ANKS1B: variants seen among roughly 807,000 people sequenced by gnomAD.
The protein encoded by ANKS1B is ankyrin repeat and sterile alpha motif domain-containing protein 1B.
A neutral mutation model predicts 148.3 loss-of-function variants in ANKS1B; 36 were observed. The observed-to-expected ratio is 0.24, with a 90% CI of 0.19 to 0.32. The LOEUF (loss-of-function observed/expected upper bound fraction) is 0.32, where lower values mean the gene tolerates loss of function less well. Ranked by LOEUF, ANKS1B falls within the 10% of genes least tolerant of loss-of-function variation. The pLI, the probability that ANKS1B is intolerant of heterozygous loss-of-function variation, is 1.00. For missense variants in ANKS1B, 1,157 were observed against 1,542.6 expected, an observed-to-expected ratio of 0.75 and a Z score of 4.19; for synonymous variants, 542 against 560.8, an observed-to-expected ratio of 0.97 and a Z score of 0.47.
Position 99,984,712 on chromosome 12 carries a change from C to T in ANKS1B, c.-475G>A, listed in dbSNP as rs1259980126. 6.6e-6 allele frequency: 1 copy of T among 151,920 alleles called. No individual in the cohort carries two copies. Among genetic ancestry groups the T allele is most frequent in the Non-Finnish European group, 1.5e-5 (1 of 67,996 alleles). 9.4% of individuals were successfully genotyped at this position (151,920 alleles called of 1,614,324 possible). ...GCCCTCGCGCCCGACCCGGGCTCGC[C>T]TCGGCTTCCTCGGCGGTTACGCGGG... On this transcript the variant is annotated 5_prime_UTR_variant, in exon 1 of 27. Coordinates refer to ENST00000683438, the MANE Select transcript of ANKS1B (RefSeq NM_001352186.2).
chr12:99,614,809 T>A (rs1268983388), intron 9 of ANKS1B, among the ~76,000 whole-genome samples: 1 of 151,874 alleles, frequency 6.6e-6, no homozygotes, highest in East Asian at 1.9e-4. Flanking sequence ...CCATCTCAAA[T>A]CAGTAGTAAT....
intron 2 of ANKS1B, among the ~76,000 whole-genome samples, chr12:99,822,185 C>CTCCAA (rs1476859644): frequency 2.0e-5 from 3 of 151,976 alleles, no homozygotes; most frequent in Non-Finnish European, 4.4e-5. Context: ...GCTTTATGAC[C>CTCCAA]ACCAAACCTA....
intron 17 of ANKS1B, among the ~76,000 whole-genome samples, chr12:99,001,509 A>G (rs2099933020): frequency 6.6e-6 from 1 of 151,966 alleles, no homozygotes; most frequent in Non-Finnish European, 1.5e-5. Flanking sequence ...AATATTTTTA[A>G]TTTTTCCCAG....
At chr12:98,860,733 G>C (rs2099595056) in intron 17 of ANKS1B, among the ~76,000 whole-genome samples, 2 of 152,198 alleles carry the variant, frequency 1.3e-5, no homozygotes, top group Admixed American at 1.3e-4. Flanking sequence ...GGGTCAGGGG[G>C]AGGGAGAGCA....
At chr12:99,372,122 A>G (rs1247128367) in intron 12 of ANKS1B, among the ~76,000 whole-genome samples, 5 of 152,030 alleles carry the variant, frequency 3.3e-5, no homozygotes, top group African/African-American at 1.2e-4. Flanking sequence ...TACTGTAACT[A>G]TGGAGTTTGG....
chr12:99,375,695 A>G (rs920947466), intron 12 of ANKS1B, among the ~76,000 whole-genome samples: 1 of 152,146 alleles, frequency 6.6e-6, no homozygotes, highest in Non-Finnish European at 1.5e-5. Context: ...AACCCTAAAT[A>G]CAATAATTTC....
chr12:99,778,194 C>T (rs973131535), intron 6 of ANKS1B, among the ~76,000 whole-genome samples: 1 of 150,586 alleles, frequency 6.6e-6, no homozygotes, highest in African/African-American at 2.5e-5. Context: ...AGTGAGACTC[C>T]CTCTCAAAAA....
intron 1 of ANKS1B, among the ~76,000 whole-genome samples, chr12:99,850,280 A>ACTCTCTCCCTCTCTCTCTCT: frequency 1.9e-5 from 1 of 52,684 alleles, no homozygotes; most frequent in African/African-American, 1.6e-4. Flanking sequence ...GAAGCAAGAA[A>ACTCTCTCCCTCTCTCTCTCT]GTCTCTCTCT....
chr12:99,405,604 A>T (rs2094513113), intron 11 of ANKS1B, among the ~76,000 whole-genome samples: 1 of 145,402 alleles, frequency 6.9e-6, no homozygotes, highest in Non-Finnish European at 1.5e-5. Flanking sequence ...CACTAAAAGG[A>T]AGAGAGGGAG....
intron 9 of ANKS1B, among the ~76,000 whole-genome samples, chr12:99,533,774 C>G (rs2153098226): frequency 6.6e-6 from 1 of 152,200 alleles, no homozygotes; most frequent in East Asian, 1.9e-4. Flanking sequence ...TGTGTGTGTG[C>G]ACGCTTCTAT....
chr12:99,027,765 CT>C (rs982428885), intron 17 of ANKS1B, among the ~76,000 whole-genome samples: 1 of 152,232 alleles, frequency 6.6e-6, no homozygotes, highest in Non-Finnish European at 1.5e-5. Context: ...ATTAACTTCT[CT>C]GAACTGCAGT....
chr12:98,794,620 T>A, intron 22 of ANKS1B: 1 of 817,562 alleles, frequency 1.2e-6, no homozygotes, highest in Non-Finnish European at 2.1e-6. Context: ...AGAAGTGCGA[T>A]CCTCACAAAG....
chr12:99,960,708 T>C (rs915272071), intron 1 of ANKS1B, among the ~76,000 whole-genome samples: 1 of 152,200 alleles, frequency 6.6e-6, no homozygotes, highest in Admixed American at 6.5e-5. Context: ...TGCGAAAATT[T>C]TCCAAATGGG....
At chr12:99,649,085 A>G (rs1362493413) in intron 9 of ANKS1B, among the ~76,000 whole-genome samples, 1 of 152,224 alleles carries the variant, frequency 6.6e-6, no homozygotes, top group Non-Finnish European at 1.5e-5. Flanking sequence ...CATCCTGACC[A>G]GTCTATTCTG....
chr12:99,204,339 A>C (rs1167223726), intron 14 of ANKS1B, among the ~76,000 whole-genome samples: 1 of 152,244 alleles, frequency 6.6e-6, no homozygotes, highest in African/African-American at 2.4e-5. Context: ...TCTTGCTTCT[A>C]TAAAACAGAA....
intron 12 of ANKS1B, among the ~76,000 whole-genome samples, chr12:99,368,902 A>G (rs2092932552): frequency 6.6e-6 from 1 of 152,228 alleles, no homozygotes; most frequent in Non-Finnish European, 1.5e-5. Flanking sequence ...AGAGATTAAC[A>G]GCCAATAAAC....
At chr12:98,796,569 A>G (rs1484642235) in intron 22 of ANKS1B, among the ~76,000 whole-genome samples, 2 of 152,192 alleles carry the variant, frequency 1.3e-5, no homozygotes, top group Non-Finnish European at 2.9e-5. Context: ...TAGCAGATCA[A>G]CCCTATGCTT....
chr12:98,986,909 A>G (rs972761586), intron 17 of ANKS1B, among the ~76,000 whole-genome samples: 1 of 152,108 alleles, frequency 6.6e-6, no homozygotes, highest in Non-Finnish European at 1.5e-5. Context: ...ATGAGCCACC[A>G]TGGCTGGCTG....
intron 17 of ANKS1B, among the ~76,000 whole-genome samples, chr12:98,872,054 T>C (rs2099671881): frequency 6.6e-6 from 1 of 152,242 alleles, no homozygotes; most frequent in South Asian, 2.1e-4. Context: ...TCTGGGCAGA[T>C]AAGAGCTCAT....
Sources: gnomAD v4.1 joint callset for allele counts (sites outside exome capture counted in the v4.1 genomes callset) on GRCh38, gnomAD v4.1.1 for gene constraint, MANE v1.5 for transcripts, NCBI Gene and HGNC (gene_info 2026-07-23, HGNC 2026-07-21) for gene names.